C2orf74: variants seen among roughly 807,000 people sequenced by gnomAD.
C2orf74 encodes the protein DPM1 ER membrane anchor 1.
In C2orf74, 14 loss-of-function variants were observed where a neutral mutation model predicts 17.9. The ratio of observed to expected loss-of-function variants is 0.78; its 90% CI spans 0.52 to 1.22. The LOEUF is 1.22. Ranked by LOEUF, C2orf74 falls within the 50% of genes most tolerant of loss-of-function variation. The pLI, the probability that C2orf74 is intolerant of heterozygous loss-of-function variation, is 0.00. For synonymous variants in C2orf74, 79 were observed against 72.6 expected (o/e 1.09, Z -0.44); for missense variants, 217 against 218.4 (o/e 0.99, Z 0.04).
chr2:61,146,637 C>T (rs1314689263), intron 1 of C2orf74, among the ~76,000 whole-genome samples: 2 of 152,098 alleles, frequency 1.3e-5, no homozygotes, highest in Admixed American at 6.5e-5. Flanking sequence ...AGATGGAGAC[C>T]GTCGTGGCCA....
At chr2:61,147,058 A>G (rs952450918) in intron 1 of C2orf74, among the ~76,000 whole-genome samples, 4 of 151,116 alleles carry the variant, frequency 2.6e-5, no homozygotes, top group Non-Finnish European at 4.4e-5. Flanking sequence ...AGGCCCAACT[A>G]CCCGGGAGGC....
rs1453434403 is a variant in C2orf74, at chr2:61,163,079, T to C, written c.237T>C (p.Asn79=). 3 of 1,552,160 alleles carry C rather than the reference T, an allele frequency of 1.9e-6. No individual in the cohort carries two copies. The highest frequency in any genetic ancestry group is 4.9e-5 in the East Asian group (2 of 41,066). The change falls in exon 4 of 5, where the codon AAT becomes AAC. Residue 79 remains asparagine (N), a synonymous_variant. Transcript: ENST00000432605. The stretch of plus-strand genomic sequence containing the variant: ...TCTTAATGCAAGTCATGAACTTGAA[T>C]GTGCCGATGAGGCCTGGCATTCTTG... ...ERILMQVMNL[N]VPMRPGILVQ...
chr2:61,163,401 C>T lies in C2orf74; in HGVS notation c.390+169C>T, dbSNP rs377535421. ...AGGAGGGCGGATCACGAGGGCACAT[C>T]GAGACCAGCCTGGCCAACATGGTGA... On this transcript the variant is annotated intron_variant, in intron 4 of 4. Coordinates refer to ENST00000432605, the MANE Select transcript of C2orf74 (RefSeq NM_001143959.4). 1.7e-4 allele frequency among the ~76,000 whole-genome samples: 26 copies of T among 152,062 alleles called. No individual in the cohort carries two copies. In the South Asian group the frequency reaches 3.5e-3, roughly 21 times the overall value.
In C2orf74 at chr2:61,152,740, C is replaced by A. The variant is rs538666661; in HGVS notation, c.-122+7544C>A. Among the ~76,000 whole-genome samples the A allele has an allele frequency of 8.0e-5, 12 of 149,416 alleles. No individual in the cohort carries two copies. In the South Asian group the frequency reaches 2.5e-3, roughly 32 times the overall value. On this transcript the variant is annotated intron_variant, in intron 1 of 3. Transcript: ENST00000426997. The stretch of plus-strand genomic sequence containing the variant: ...ACACATGCCTGTAATCCCAGCTACT[C>A]GGTAGGCTGAGGCAGGAGAATCGCT...
At chr2:61,149,837 C>A (rs1340012159) in intron 1 of C2orf74, among the ~76,000 whole-genome samples, 1 of 152,170 alleles carries the variant, frequency 6.6e-6, no homozygotes, top group South Asian at 2.1e-4. Context: ...CCTTGGCCTC[C>A]CAAAGTGCTG....
chr2:61,158,980 GTTGT>G (rs147042505), upstream of C2orf74, among the ~76,000 whole-genome samples: 70,947 of 150,042 alleles, frequency 0.47, 17,515 homozygotes, highest in Middle Eastern at 0.64. Flanking sequence ...GTTTTTTTTT[GTTGT>G]TTGTTTGTTT....
At chr2:61,148,246 G>A (rs1685128489) in intron 1 of C2orf74, among the ~76,000 whole-genome samples, 3 of 150,894 alleles carry the variant, frequency 2.0e-5, no homozygotes, top group African/African-American at 4.9e-5. Context: ...GAGTGCAATG[G>A]TGCCATCTCG....
intron 4 of C2orf74, among the ~76,000 whole-genome samples, 188 bp downstream of exon 4, chr2:61,163,420 A>G (rs978645131): frequency 1.3e-5 from 2 of 152,162 alleles, no homozygotes; most frequent in East Asian, 1.9e-4. Context: ...CCTGGCCAAC[A>G]TGGTGAAACC....
chr2:61,164,234 A>G lies in C2orf74; in HGVS notation c.391-120A>G, dbSNP rs553615127. 11 of 777,230 alleles carry G rather than the reference A, an allele frequency of 1.4e-5. No individual in the cohort carries two copies. In the South Asian group the frequency reaches 2.3e-4, roughly 16 times the overall value. The allele number at this position is 777,230 out of a possible 1,614,324, so 48.1% of individuals were successfully genotyped here. A position where few individuals can be genotyped will look rare whatever the true frequency, so the allele number is the denominator to read the frequency against. On this transcript the variant is annotated intron_variant, in intron 4 of 4. Coordinates refer to ENST00000432605, the MANE Select transcript of C2orf74 (RefSeq NM_001143959.4). ...CATGATGGATTATTGCTACTTTCCT[A>G]TATCATTTAGAAATGCTTTTTCTGT... is the stretch of plus-strand genomic sequence containing the variant.
intron 2 of C2orf74, 92 bp from the exon 3 acceptor site, chr2:61,162,750 C>T (rs907955145): frequency 2.6e-6 from 3 of 1,144,386 alleles, no homozygotes; most frequent in Non-Finnish European, 3.8e-6. Flanking sequence ...TTTAGAAATG[C>T]TGATATCCTG....
rs1417698336 is a variant in C2orf74, at chr2:61,162,846, CAAGGCAGGAAAGGT to C, written c.103_116del (p.Gly35ArgfsTer30). The C allele has an allele frequency of 3.9e-6, 6 of 1,551,408 alleles. No individual in the cohort carries two copies. Among genetic ancestry groups the C allele is most frequent in the Non-Finnish European group, 5.2e-6 (6 of 1,146,750 alleles). On this transcript the variant is annotated frameshift_variant, in exon 3 of 5. Coordinates refer to ENST00000432605, the MANE Select transcript of C2orf74 (RefSeq NM_001143959.4). LOFTEE classifies it high-confidence loss of function. ...TTGTGGCTTGTTTGTTTTCAGTTTC[CAAGGCAGGAAAGGT>C]AAAGAGACAAAGAAAGTGCCTTGTA...
At chr2:61,157,022 TTTGA>T (rs753980424) in intron 1 of C2orf74, among the ~76,000 whole-genome samples, 20 of 152,172 alleles carry the variant, frequency 1.3e-4, no homozygotes, top group South Asian at 4.1e-4. Context: ...CCCTCAAATA[TTTGA>T]TTGATTGATT....
intron 1 of C2orf74, among the ~76,000 whole-genome samples, chr2:61,154,234 C>CA (rs34669899): frequency 3.0e-3 from 389 of 131,822 alleles, no homozygotes; most frequent in African/African-American, 7.4e-3. Flanking sequence ...AATTCTGTCT[C>CA]AAAAAAAAAA....
chr2:61,153,618 G>A (rs1290339201), intron 1 of C2orf74, among the ~76,000 whole-genome samples: 6 of 149,506 alleles, frequency 4.0e-5, no homozygotes, highest in Non-Finnish European at 3.0e-5. Flanking sequence ...ACTGGGCGCG[G>A]TGGCTCACGC....
chr2:61,147,580 CTG>C (rs1685107779), intron 1 of C2orf74, among the ~76,000 whole-genome samples: 1 of 152,148 alleles, frequency 6.6e-6, no homozygotes. Flanking sequence ...CTTTGCATTT[CTG>C]TGATAATTAG....
At chr2:61,163,821 G>A (rs1454684310) in intron 4 of C2orf74, among the ~76,000 whole-genome samples, 1 of 151,980 alleles carries the variant, frequency 6.6e-6, no homozygotes, top group Non-Finnish European at 1.5e-5. Context: ...CCTTCAGTTT[G>A]TTTTTCTCAA....
chr2:61,160,460 C>T (rs1476505702), upstream of C2orf74, among the ~76,000 whole-genome samples: 6 of 151,546 alleles, frequency 4.0e-5, no homozygotes, highest in African/African-American at 7.3e-5. Context: ...GCGCCCAGCC[C>T]GGAATTTCAT....
intron 1 of C2orf74, among the ~76,000 whole-genome samples, chr2:61,147,587 A>C (rs1158844776): frequency 6.6e-6 from 1 of 152,130 alleles, no homozygotes; most frequent in Non-Finnish European, 1.5e-5. Context: ...TTTCTGTGAT[A>C]ATTAGCGAGG....
At chr2:61,154,049 G>T (rs1354777075) in intron 1 of C2orf74, among the ~76,000 whole-genome samples, 1 of 151,862 alleles carries the variant, frequency 6.6e-6, no homozygotes, top group Non-Finnish European at 1.5e-5. Flanking sequence ...GACCATCCTG[G>T]CTAACATGGT....
Sources: gnomAD v4.1 joint callset for allele counts (sites outside exome capture counted in the v4.1 genomes callset) on GRCh38, gnomAD v4.1.1 for gene constraint, MANE v1.5 for transcripts, NCBI Gene and HGNC (gene_info 2026-07-23, HGNC 2026-07-21) for gene names.